Variants in EIF2B3 observed in about 807,000 individuals in gnomAD.
EIF2B3 encodes the protein eukaryotic translation initiation factor 2B subunit gamma.
A neutral mutation model predicts 54.1 loss-of-function variants in EIF2B3; 20 were observed. The observed-to-expected ratio is 0.37, with a 90% CI of 0.26 to 0.54. The LOEUF is 0.54. EIF2B3 is among the 20% of genes least tolerant of loss of function. The pLI is 0.86. For synonymous variants in EIF2B3, 153 were observed against 188.1 expected, an observed-to-expected ratio of 0.81 and a Z score of 1.52; for missense variants, 448 against 547.8, an observed-to-expected ratio of 0.82 and a Z score of 1.82.
chr1:44,939,721 C>T, intron 4 of EIF2B3, among the ~76,000 whole-genome samples: 1 of 150,898 alleles, frequency 6.6e-6, no homozygotes, highest in South Asian at 2.1e-4. Flanking sequence ...GACATAAAAA[C>T]TATATATAAA....
intron 5 of EIF2B3, among the ~76,000 whole-genome samples, chr1:44,899,343 G>C (rs1656085643): frequency 1.3e-5 from 2 of 152,082 alleles, no homozygotes; most frequent in Admixed American, 6.6e-5. Flanking sequence ...CTTTCCATCT[G>C]ATTAAAGAGC....
At chr1:44,852,750 GC>G (rs773450496) in intron 11 of EIF2B3, among the ~76,000 whole-genome samples, 4 of 146,662 alleles carry the variant, frequency 2.7e-5, no homozygotes, top group Non-Finnish European at 5.9e-5. Flanking sequence ...TTACACTCCA[GC>G]CTGGGCAACA....
At chr1:44,934,399 AAAAACAAAAC>A (rs200622867) in intron 4 of EIF2B3, among the ~76,000 whole-genome samples, 2 of 151,904 alleles carry the variant, frequency 1.3e-5, no homozygotes, top group African/African-American at 4.8e-5. Context: ...CTCTGTCTCA[AAAAACAAAAC>A]AAAACAAAAC....
At chr1:44,969,088 G>A (rs934909207) in intron 3 of EIF2B3, among the ~76,000 whole-genome samples, 9 of 152,078 alleles carry the variant, frequency 5.9e-5, no homozygotes, top group African/African-American at 1.4e-4. Flanking sequence ...ATGGGGACTC[G>A]TGTGCAGTGA....
chr1:44,872,330 G>T lies in EIF2B3; in HGVS notation c.1202+2348C>A, dbSNP rs1654992613. Among the ~76,000 whole-genome samples the T allele has an allele frequency of 6.6e-5, 10 of 152,094 alleles. No homozygotes were observed. The South Asian group carries it at 2.1e-3, about 32-fold the overall frequency. On this transcript the variant is annotated intron_variant, in intron 10 of 11. Transcript: ENST00000360403. The stretch of plus-strand genomic sequence containing the variant: ...CTATGGATATGAGCCAATGTGGCTG[G>T]CCACTTCACTTTTTATGTATCTAGA...
Position 44,865,426 on chromosome 1 carries a change from C to T in EIF2B3, c.1203-7619G>A, listed in dbSNP as rs150992813. 2.4e-4 allele frequency among the ~76,000 whole-genome samples: 37 copies of T among 152,166 alleles called. 1 individual carries two copies. The South Asian group carries it at 4.4e-3, about 18-fold the overall frequency. The stretch of plus-strand genomic sequence containing the variant: ...TTAATCTAAATTTCACTGTATCTGG[C>T]AGATATTCTGTAGTCTGTGCATAGG... On this transcript the variant is annotated intron_variant, in intron 10 of 11. Transcript: ENST00000360403.
intron 5 of EIF2B3, among the ~76,000 whole-genome samples, chr1:44,922,510 C>G (rs1004297446): frequency 1.4e-5 from 2 of 147,292 alleles, no homozygotes; most frequent in African/African-American, 5.0e-5. Flanking sequence ...TCATTTGAGC[C>G]CGGGAGGTGG....
intron 3 of EIF2B3, chr1:44,958,689 C>G: frequency 6.3e-7 from 1 of 1,598,606 alleles, no homozygotes; most frequent in Non-Finnish European, 8.6e-7. Flanking sequence ...TAGTCGCTCA[C>G]CAGCTATCTG....
chr1:44,911,092 G>C (rs1015785417), intron 5 of EIF2B3, among the ~76,000 whole-genome samples: 1 of 152,158 alleles, frequency 6.6e-6, no homozygotes, highest in Non-Finnish European at 1.5e-5. Flanking sequence ...GAAATTCAGC[G>C]TTTTAAAAAA....
intron 10 of EIF2B3, among the ~76,000 whole-genome samples, chr1:44,873,031 G>T (rs1343662198): frequency 6.6e-6 from 1 of 152,176 alleles, no homozygotes; most frequent in Non-Finnish European, 1.5e-5. Flanking sequence ...CTCAGCGTTA[G>T]GTGATATCAT....
chr1:44,937,991 T>C (rs2148939281), intron 4 of EIF2B3, among the ~76,000 whole-genome samples: 1 of 146,118 alleles, frequency 6.8e-6, no homozygotes, highest in East Asian at 2.1e-4. Context: ...TTAGTATCAG[T>C]ATCTCCTATA....
At chr1:44,910,193 T>A (rs1643484917) in intron 5 of EIF2B3, among the ~76,000 whole-genome samples, 1 of 152,172 alleles carries the variant, frequency 6.6e-6, no homozygotes, top group Non-Finnish European at 1.5e-5. Flanking sequence ...CATATGTCTG[T>A]CAGAAATAAA....
At chr1:44,882,298 T>C (rs1336000602) in intron 6 of EIF2B3, among the ~76,000 whole-genome samples, 1 of 152,222 alleles carries the variant, frequency 6.6e-6, no homozygotes, top group African/African-American at 2.4e-5. Context: ...CTTTTTGTGG[T>C]GAAACCACCT....
At chr1:44,906,146 A>G (rs2148919480) in intron 5 of EIF2B3, among the ~76,000 whole-genome samples, 1 of 152,348 alleles carries the variant, frequency 6.6e-6, no homozygotes, top group East Asian at 1.9e-4. Flanking sequence ...ACTCCACTCT[A>G]GTCTCACTGG....
intron 8 of EIF2B3, among the ~76,000 whole-genome samples, chr1:44,879,057 G>A (rs1007986312): frequency 2.0e-5 from 3 of 152,012 alleles, no homozygotes; most frequent in Non-Finnish European, 2.9e-5. Context: ...CACCGTGCCC[G>A]GACTCTTTTC....
chr1:44,947,159 T>C (rs946464007), intron 3 of EIF2B3, among the ~76,000 whole-genome samples: 1 of 152,180 alleles, frequency 6.6e-6, no homozygotes, highest in Non-Finnish European at 1.5e-5. Context: ...ATCCCAAGCC[T>C]GCTCCTCTAG....
At chr1:44,976,545 C>T (rs1644454894) in intron 3 of EIF2B3, among the ~76,000 whole-genome samples, 1 of 152,042 alleles carries the variant, frequency 6.6e-6, no homozygotes, top group South Asian at 2.1e-4. Context: ...TGCTAGTTTC[C>T]AATAAAGTAA....
intron 10 of EIF2B3, among the ~76,000 whole-genome samples, chr1:44,858,333 T>G (rs1421242188): frequency 1.3e-5 from 2 of 152,112 alleles, no homozygotes; most frequent in Non-Finnish European, 2.9e-5. Context: ...CCATCACTGC[T>G]GCTTCTCATC....
chr1:44,983,913 G>A (rs916320185), intron 1 of EIF2B3, among the ~76,000 whole-genome samples: 1 of 151,852 alleles, frequency 6.6e-6, no homozygotes, highest in African/African-American at 2.4e-5. Flanking sequence ...TCACCATGTT[G>A]GCCAGGCTGG....
Sources: allele counts gnomAD v4.1 joint callset (sites outside exome capture counted in the v4.1 genomes callset), GRCh38; gene constraint gnomAD v4.1.1; transcripts MANE v1.5; gene names NCBI Gene and HGNC (gene_info 2026-07-23, HGNC 2026-07-21).